The following PPP6R1 variants were observed in gnomAD, a reference collection of about 807,000 sequenced individuals.
PPP6R1 encodes the protein protein phosphatase 6 regulatory subunit 1.
A neutral mutation model predicts 104.6 loss-of-function variants in PPP6R1; 39 were observed. The ratio of observed to expected loss-of-function variants is 0.37; its 90% CI spans 0.29 to 0.49. The LOEUF (loss-of-function observed/expected upper bound fraction) is 0.49, where lower values mean the gene tolerates loss of function less well. Ranked by LOEUF, PPP6R1 falls within the 20% of genes least tolerant of loss-of-function variation. The pLI is 0.98. For missense variants in PPP6R1, 1,181 were observed against 1,155.8 expected (o/e 1.02, Z -0.32); for synonymous variants, 549 against 479.0 (o/e 1.15, Z -1.91).
Position 55,245,463 on chromosome 19 carries a change from CGGT to C in PPP6R1, c.414+26_414+28del. 3 of 1,610,550 alleles carry C rather than the reference CGGT, an allele frequency of 1.9e-6. No individual in the cohort carries two copies. Among genetic ancestry groups the C allele is most frequent in the Non-Finnish European group, 2.5e-6 (3 of 1,178,326 alleles). ...GGCCCAGCCACCACCCCTCAACCCA[CGGT>C]GGCGCCAGGGTGGGGGCCAGGGCAC... is the stretch of plus-strand genomic sequence containing the variant. On this transcript the variant is annotated intron_variant, in intron 3 of 23. Transcript: ENST00000412770. This position sits in a 1 kb window ranked among gnomAD's most constrained non-coding sequence, Gnocchi z 6.4.
intron 15 of PPP6R1, chr19:55,239,201 G>A (rs2087425942): frequency 1.7e-6 from 1 of 597,292 alleles, no homozygotes; most frequent in African/African-American, 1.9e-5. Flanking sequence ...AGAGACTGCA[G>A]AGCTGGAACT....
chr19:55,251,591 TC>T (rs919792638), intron 1 of PPP6R1, among the ~76,000 whole-genome samples: 1 of 152,068 alleles, frequency 6.6e-6, no homozygotes, highest in African/African-American at 2.4e-5. Flanking sequence ...TACAACTGTT[TC>T]CCTTCCTTGC....
At position 55,239,837 on chromosome 19, in the gene PPP6R1, T is replaced by A; in HGVS notation, c.1552A>T (p.Met518Leu). The A allele has an allele frequency of 6.2e-7, 1 of 1,613,776 alleles. No homozygotes were observed. Residue 518 changes from methionine (M) to leucine (L), a missense_variant, in exon 13 of 24, where the codon ATG becomes TTG. Physicochemically the swap from Met to Leu is conservative, Grantham distance 15 (BLOSUM62 2). Transcript: ENST00000412770. ...GPLAETNKKN[M>L]VDLVNTHHLH... ...AAGCTGGGCCTCACCAGGTCCACCA[T>A]GTTCTTCTTGTTGGTCTCCGCCAGG...
At chr19:55,235,613 G>C (rs1268479068) in intron 17 of PPP6R1, among the ~76,000 whole-genome samples, 1 of 151,554 alleles carries the variant, frequency 6.6e-6, no homozygotes, top group Non-Finnish European at 1.5e-5. Context: ...CCGCCTTCCG[G>C]GTTCACGCCA....
intron 17 of PPP6R1, among the ~76,000 whole-genome samples, chr19:55,236,037 C>T (rs2087395849): frequency 2.6e-5 from 4 of 151,554 alleles, no homozygotes; most frequent in South Asian, 4.1e-4. Context: ...GCTATGTTGC[C>T]CAGGCTAGGT....
chr19:55,231,877 C>T lies in PPP6R1; in HGVS notation c.2231G>A (p.Gly744Glu), dbSNP rs779262882. ...ELHTGPPAPQ[G>E]PLSVPQGLPT... Reference sequence around the variant, plus strand: ...GAGGCCCTGGGGCACACTGAGGGGCCCCTGTGGGGCTGGAGGCCCAGTGTG... The same window carrying T: ...GAGGCCCTGGGGCACACTGAGGGGCTCCTGTGGGGCTGGAGGCCCAGTGTG... Residue 744 changes from glycine to glutamate, a missense_variant, in exon 19 of 24, where the codon GGG becomes GAG. This residue lies in a region of PPP6R1 where 1,042 missense variants were observed against 955.6 expected (regional missense o/e 1.09). Transcript: ENST00000412770. 1 of 1,507,208 alleles carries T rather than the reference C, an allele frequency of 6.6e-7. No homozygotes were observed. Among genetic ancestry groups the T allele is most frequent in the South Asian group, 1.4e-5 (1 of 74,040 alleles). 93.4% of individuals were successfully genotyped at this position (1,507,208 alleles called of 1,614,324 possible). A position where few individuals can be genotyped will look rare whatever the true frequency, so the allele number is the denominator to read the frequency against.
chr19:55,236,412 T>C (rs2087399006), intron 17 of PPP6R1: 1 of 525,400 alleles, frequency 1.9e-6, no homozygotes, highest in Non-Finnish European at 3.3e-6. Context: ...TGCCCTGGCC[T>C]CCCAAAGTAC....
chr19:55,236,214 GTA>G (rs1314844722), intron 17 of PPP6R1: 10 of 162,832 alleles, frequency 6.1e-5, no homozygotes, highest in African/African-American at 2.4e-4. Flanking sequence ...GAGTGCAGTG[GTA>G]TGATCTCGGC....
At chr19:55,235,734 G>A (rs1438269347) in intron 17 of PPP6R1, among the ~76,000 whole-genome samples, 2 of 151,680 alleles carry the variant, frequency 1.3e-5, no homozygotes, top group Non-Finnish European at 2.9e-5. Flanking sequence ...TAGCCAGGAT[G>A]GTCTTGATCT....
intron 17 of PPP6R1, chr19:55,233,033 G>A (rs2087364172): frequency 6.6e-6 from 1 of 152,104 alleles, no homozygotes; most frequent in Non-Finnish European, 1.5e-5. Context: ...GAATACTACA[G>A]GCAATTCTAA....
intron 1 of PPP6R1, among the ~76,000 whole-genome samples, chr19:55,251,190 G>T (rs1233429592): frequency 6.6e-6 from 1 of 152,140 alleles, no homozygotes; most frequent in African/African-American, 2.4e-5. Context: ...CTGCCGCCTG[G>T]AAGCATCTCT....
At chr19:55,237,430 G>A (rs931058764) in intron 15 of PPP6R1, among the ~76,000 whole-genome samples, 3 of 152,104 alleles carry the variant, frequency 2.0e-5, no homozygotes, top group African/African-American at 7.2e-5. Flanking sequence ...TCTACGGTCC[G>A]CGGCTGAAAT....
Position 55,231,497 on chromosome 19 carries a change from G to C in PPP6R1, c.2378-6C>G, listed in dbSNP as rs773488195. ...AACCAAGGCCTGGCAAGGGGCTGTG[G>C]GGGATAAGAGATCTCAGCTGCAGCT... On this transcript the variant is annotated splice_polypyrimidine_tract_variant and splice_region_variant and intron_variant, in intron 20 of 23. Coordinates refer to ENST00000412770, the MANE Select transcript of PPP6R1 (RefSeq NM_014931.4). 6.2e-7 allele frequency: 1 copy of C among 1,604,342 alleles called. No homozygotes were observed. Among genetic ancestry groups the C allele is most frequent in the South Asian group, 1.1e-5 (1 of 89,310 alleles).
At position 55,230,604 on chromosome 19, in the gene PPP6R1, C is replaced by G; in HGVS notation, c.2642+9G>C. 1 of 1,612,712 alleles carries G rather than the reference C, an allele frequency of 6.2e-7. No individual in the cohort carries two copies. The highest frequency in any genetic ancestry group is 8.5e-7 in the Non-Finnish European group (1 of 1,179,336). The stretch of plus-strand genomic sequence containing the variant: ...CACCTACCCAGCCCGAGGCTGCAGC[C>G]ACACTCACTGGGAGCCTGGGGATGC... On this transcript the variant is annotated intron_variant, in intron 23 of 23. Transcript: ENST00000412770.
chr19:55,239,360 T>C, intron 15 of PPP6R1, 45 bp downstream of exon 15: 2 of 1,561,528 alleles, frequency 1.3e-6, no homozygotes, highest in Non-Finnish European at 1.8e-6. Context: ...CGCCTGCTGC[T>C]GCAGAGGCAG....
Position 55,241,734 on chromosome 19 carries a change from G to A in PPP6R1, c.846-95C>T, listed in dbSNP as rs2087459947. The A allele has an allele frequency of 2.9e-6, 4 of 1,383,148 alleles. No homozygotes were observed. Among genetic ancestry groups the A allele is most frequent in the Non-Finnish European group, 2.9e-6 (3 of 1,037,688 alleles). 85.7% of individuals were successfully genotyped at this position (1,383,148 alleles called of 1,614,324 possible). ...AGGACCACGTCTGCAGGGTCTGGAG[G>A]AAAACGAGGAGCCACATGCCCCCAG... is the stretch of plus-strand genomic sequence containing the variant. On this transcript the variant is annotated intron_variant, in intron 7 of 23. Transcript: ENST00000412770. This position sits in a 1 kb window ranked among gnomAD's most constrained non-coding sequence, Gnocchi z 5.4.
At chr19:55,236,112 G>C (rs1340931331) in intron 17 of PPP6R1, among the ~76,000 whole-genome samples, 2 of 150,594 alleles carry the variant, frequency 1.3e-5, no homozygotes, top group Non-Finnish European at 2.9e-5. Context: ...GGGATTACAG[G>C]CTTGAGCCAC....
In PPP6R1 at chr19:55,244,297, C is replaced by A. The variant is rs545251485; in HGVS notation, c.618+823G>T. Among the ~76,000 whole-genome samples, 14 of 152,314 alleles carry A rather than the reference C, an allele frequency of 9.2e-5. No individual in the cohort carries two copies. The South Asian group carries it at 2.9e-3, about 32-fold the overall frequency. On this transcript the variant is annotated intron_variant, in intron 5 of 23. Coordinates refer to ENST00000412770, the MANE Select transcript of PPP6R1 (RefSeq NM_014931.4). ...TCCCAGTGGCCTCGGATATCTGAGGCTCTTGACAAACACCCACTCTACACT... is the reference window on the plus strand; with the variant it reads ...TCCCAGTGGCCTCGGATATCTGAGGATCTTGACAAACACCCACTCTACACT...
chr19:55,230,639 C>G lies in PPP6R1; in HGVS notation c.2616G>C (p.Pro872=), dbSNP rs200738242. 9 of 1,610,432 alleles carry G rather than the reference C, an allele frequency of 5.6e-6. No homozygotes were observed. In the South Asian group the frequency reaches 8.8e-5, roughly 16 times the overall value. ...GGGAGCCTGGGGATGCAGGCCCTTC[C>G]GGGGCAGAGCCATTGGGTATCGGAG... ...TPPPIPNGSA[P]EGPASPGSQ Residue 872 remains proline (P), a synonymous_variant, in exon 23 of 24, where the codon CCG becomes CCC. Transcript: ENST00000412770.
Sources: gnomAD v4.1 joint callset for allele counts (sites outside exome capture counted in the v4.1 genomes callset) on GRCh38, gnomAD v4.1.1 for gene constraint, gnomAD v4.1.1 regional missense constraint, Gnocchi (gnomAD v3.1) non-coding constraint, MANE v1.5 for transcripts, NCBI Gene and HGNC (gene_info 2026-07-23, HGNC 2026-07-21) for gene names.